Variants in GRIK4 observed in about 807,000 individuals in gnomAD.
GRIK4 encodes glutamate receptor ionotropic, kainate 4.
GRIK4 carries 40 observed loss-of-function variants against 104.9 expected under a neutral mutation model. The observed-to-expected ratio is 0.38, with a 90% CI of 0.30 to 0.50. The LOEUF (loss-of-function observed/expected upper bound fraction) is 0.50, where lower values mean the gene tolerates loss of function less well. Among genes scored for constraint, GRIK4 ranks in the 20% least tolerant of loss-of-function variants. The pLI, the probability that GRIK4 is intolerant of heterozygous loss-of-function variation, is 0.93. For synonymous variants in GRIK4, 485 were observed against 524.9 expected (o/e 0.92, Z 1.04); for missense variants, 1,047 against 1,308.1 (o/e 0.80, Z 3.08).
intron 3 of GRIK4, among the ~76,000 whole-genome samples, chr11:120,786,218 C>T (rs1952269418): frequency 6.6e-6 from 1 of 152,208 alleles, no homozygotes; most frequent in African/African-American, 2.4e-5. Context: ...CTCTCCCACT[C>T]CATGTCACCA....
chr11:120,842,914 TA>T (rs1291725430), intron 8 of GRIK4, among the ~76,000 whole-genome samples: 3 of 152,240 alleles, frequency 2.0e-5, no homozygotes, highest in Admixed American at 2.0e-4. Flanking sequence ...CAATTTGAGC[TA>T]ATAAATCTGG....
At chr11:120,540,946 G>A (rs1043838985) in intron 1 of GRIK4, among the ~76,000 whole-genome samples, 1 of 152,176 alleles carries the variant, frequency 6.6e-6, no homozygotes, top group African/African-American at 2.4e-5. Context: ...TTCCAGCCTG[G>A]GTGAGAGTGA....
intron 3 of GRIK4, among the ~76,000 whole-genome samples, chr11:120,666,005 A>G (rs989440957): frequency 2.0e-5 from 3 of 152,108 alleles, no homozygotes; most frequent in African/African-American, 7.2e-5. Context: ...TTCTACTGAG[A>G]GGTTAGAGAT....
At chr11:120,722,502 G>C (rs1218626552) in intron 3 of GRIK4, among the ~76,000 whole-genome samples, 1 of 152,124 alleles carries the variant, frequency 6.6e-6, no homozygotes, top group Non-Finnish European at 1.5e-5. Flanking sequence ...CAGCTACTTG[G>C]GAGGCTGAGG....
chr11:120,632,997 G>A (rs182480695), intron 1 of GRIK4, among the ~76,000 whole-genome samples: 4 of 152,178 alleles, frequency 2.6e-5, no homozygotes, highest in Admixed American at 6.5e-5. Context: ...AACAGATGAG[G>A]AAACTTAGAA....
intron 3 of GRIK4, among the ~76,000 whole-genome samples, chr11:120,797,289 G>A (rs532225939): frequency 2.0e-5 from 3 of 152,190 alleles, no homozygotes; most frequent in South Asian, 2.1e-4. Flanking sequence ...GCTGGAGGAT[G>A]TGCCGTATCA....
chr11:120,824,545 T>C (rs987065947), intron 6 of GRIK4, among the ~76,000 whole-genome samples: 1 of 149,404 alleles, frequency 6.7e-6, no homozygotes, highest in Non-Finnish European at 1.5e-5. Context: ...TTCTTTTTTT[T>C]TTCTTTTCTT....
chr11:120,871,551 G>T (rs1263614428), intron 9 of GRIK4: 2 of 455,970 alleles, frequency 4.4e-6, no homozygotes, highest in Non-Finnish European at 8.8e-6. Flanking sequence ...CCCATGGTGA[G>T]AATTGGGTGT....
chr11:120,528,528 TA>T (rs1947887036), intron 1 of GRIK4, among the ~76,000 whole-genome samples: 1 of 152,200 alleles, frequency 6.6e-6, no homozygotes, highest in African/African-American at 2.4e-5. Flanking sequence ...GAGCCTGTCT[TA>T]GGGAACCCAT....
At chr11:120,621,981 A>G (rs1168667248) in intron 1 of GRIK4, among the ~76,000 whole-genome samples, 3 of 151,586 alleles carry the variant, frequency 2.0e-5, no homozygotes, top group African/African-American at 7.3e-5. Context: ...GCTCATTGCA[A>G]CCTCCACCTC....
At chr11:120,887,154 C>A (rs1370339670) in intron 11 of GRIK4, among the ~76,000 whole-genome samples, 1 of 152,190 alleles carries the variant, frequency 6.6e-6, no homozygotes, top group Non-Finnish European at 1.5e-5. Context: ...TCTATTCCAC[C>A]CTTCCTGTTT....
chr11:120,934,919 CT>C (rs1943564288), intron 13 of GRIK4, among the ~76,000 whole-genome samples: 2 of 152,272 alleles, frequency 1.3e-5, no homozygotes, highest in South Asian at 4.2e-4. Context: ...TCCATCCCCC[CT>C]GGGTTACGAT....
At chr11:120,747,481 C>T (rs1366612327) in intron 3 of GRIK4, among the ~76,000 whole-genome samples, 2 of 152,122 alleles carry the variant, frequency 1.3e-5, no homozygotes, top group Non-Finnish European at 2.9e-5. Context: ...GGAAAAAGTC[C>T]AAAACCCCAT....
At chr11:120,615,631 C>T (rs1041903188) in intron 1 of GRIK4, among the ~76,000 whole-genome samples, 3 of 152,204 alleles carry the variant, frequency 2.0e-5, no homozygotes, top group African/African-American at 7.2e-5. Context: ...CCCCTAGAGA[C>T]CTCTCAGTAA....
intron 8 of GRIK4, among the ~76,000 whole-genome samples, chr11:120,840,443 T>A (rs1047473118): frequency 6.6e-6 from 1 of 152,042 alleles, no homozygotes; most frequent in African/African-American, 2.4e-5. Context: ...ACAGAGGAAA[T>A]CTCTGATCAA....
intron 3 of GRIK4, among the ~76,000 whole-genome samples, chr11:120,718,018 C>T (rs1950866390): frequency 6.6e-6 from 1 of 152,154 alleles, no homozygotes; most frequent in African/African-American, 2.4e-5. Flanking sequence ...TAAGTCAGTG[C>T]CATGGTTTTC....
At chr11:120,785,582 A>G (rs147057489) in intron 3 of GRIK4, among the ~76,000 whole-genome samples, 86 of 152,340 alleles carry the variant, frequency 5.6e-4, no homozygotes, top group Middle Eastern at 3.4e-3. Context: ...GGGATAGACC[A>G]AAAGGTGAAC....
At position 120,924,994 on chromosome 11, in the gene GRIK4, G is replaced by A. The variant is rs964783512; in HGVS notation, c.1477-15353G>A. Among the ~76,000 whole-genome samples, 2 of 152,206 alleles carry A rather than the reference G, an allele frequency of 1.3e-5. 1 individual carries two copies. Among genetic ancestry groups the A allele is most frequent in the Admixed American group, 1.3e-4 (2 of 15,288 alleles). On this transcript the variant is annotated intron_variant, in intron 13 of 20. Transcript: ENST00000527524. ...AGGGGCCAGATGCTGTCCACTTTGT[G>A]GATCCAATTGGTCACATCACTGCTC... is the stretch of plus-strand genomic sequence containing the variant.
chr11:120,532,518 G>A (rs564615718), intron 1 of GRIK4, among the ~76,000 whole-genome samples: 3 of 152,328 alleles, frequency 2.0e-5, no homozygotes, highest in Admixed American at 2.0e-4. Flanking sequence ...GCCTGTCAGA[G>A]GTTTGATTTA....
Sources: allele counts gnomAD v4.1 joint callset (sites outside exome capture counted in the v4.1 genomes callset), GRCh38; gene constraint gnomAD v4.1.1; transcripts MANE v1.5; gene names NCBI Gene and HGNC (gene_info 2026-07-23, HGNC 2026-07-21).